Variants in TNRC18 observed in about 807,000 individuals in gnomAD.
TNRC18 encodes the protein trinucleotide repeat containing 18.
In TNRC18, 69 loss-of-function variants were observed where a neutral mutation model predicts 226.7. That is an observed-to-expected ratio of 0.30 (90% confidence interval 0.25 to 0.37). TNRC18 has a LOEUF of 0.37. Among genes scored for constraint, TNRC18 ranks in the 10% least tolerant of loss-of-function variants. The probability of loss-of-function intolerance (pLI) is 1.00; values close to 1 mark genes in which losing one functional copy is unlikely to be tolerated. For missense variants in TNRC18, 4,754 were observed against 4,256.6 expected (o/e 1.12, Z -3.25); for synonymous variants, 2,449 against 1,927.6 (o/e 1.27, Z -7.09).
At position 5,307,420 on chromosome 7, in the gene TNRC18, C is replaced by T. The variant is rs577755985; in HGVS notation, c.*686G>A. The T allele has an allele frequency of 1.0e-3, 337 of 328,790 alleles. 1 individual carries two copies. The highest frequency in any genetic ancestry group is 1.8e-3 in the Non-Finnish European group (295 of 159,500). The allele number at this position is 328,790 out of a possible 1,614,324, so 20.4% of individuals were successfully genotyped here. The stretch of plus-strand genomic sequence containing the variant: ...TGGGGAGGGGCCAGGCGTGGCCGGG[C>T]GACAGTTTCAGCACCATTGGGGTTT... On this transcript the variant is annotated 3_prime_UTR_variant, in exon 30 of 30. Coordinates refer to ENST00000430969, the MANE Select transcript of TNRC18 (RefSeq NM_001080495.3).
chr7:5,382,770 C>T (rs1389505122), intron 5 of TNRC18, among the ~76,000 whole-genome samples: 1 of 152,144 alleles, frequency 6.6e-6, no homozygotes, highest in Non-Finnish European at 1.5e-5. Flanking sequence ...TTGCCTCATC[C>T]CTGCAGGCCT....
At chr7:5,322,558 C>T (rs1788487610) in intron 21 of TNRC18, among the ~76,000 whole-genome samples, 1 of 152,258 alleles carries the variant, frequency 6.6e-6, no homozygotes, top group South Asian at 2.1e-4. Flanking sequence ...CCCCAAAGCA[C>T]TGGGATTACA....
rs1356600748 is a variant in TNRC18 at position 5,420,514 on chromosome 7, G to T, written c.187+546C>A. 1.3e-5 allele frequency: 6 copies of T among 447,996 alleles called. No individual in the cohort carries two copies. In the Admixed American group the frequency reaches 1.5e-4, roughly 11 times the overall value. The allele number at this position is 447,996 out of a possible 1,614,324, so 27.8% of individuals were successfully genotyped here. A position where few individuals can be genotyped will look rare whatever the true frequency, so the allele number is the denominator to read the frequency against. ...GCATCCCGCCCGCCCCGAGGCCAGG[G>T]TCCCAAGGCTGGGGTCACCGTACTC... On this transcript the variant is annotated intron_variant, in intron 2 of 29. Transcript: ENST00000430969.
chr7:5,308,558 C>T (rs560884061), intron 29 of TNRC18, among the ~76,000 whole-genome samples: 10 of 152,106 alleles, frequency 6.6e-5, no homozygotes, highest in East Asian at 1.9e-4. Flanking sequence ...AGACAGAGAC[C>T]GAGATCGAGA....
chr7:5,362,658 C>A lies in TNRC18; in HGVS notation c.4387G>T (p.Glu1463Ter). Reference protein sequence around the residue: ...NKKYSWMRKKEERMYAMKSSL... With the variant: ...NKKYSWMRKK Reference sequence around the variant, plus strand: ...AGCAGCCAGCCGCTCACCCGCTCCTCCTTCTTGCGCATCCAGCTGTACTTC... The same window carrying A: ...AGCAGCCAGCCGCTCACCCGCTCCTACTTCTTGCGCATCCAGCTGTACTTC... Residue 1463 changes from glutamate (E) to a stop codon, truncating the protein, a stop_gained, in exon 12 of 30, where the codon GAG becomes TAG. Transcript: ENST00000430969. LOFTEE classifies it high-confidence loss of function. 6.4e-7 allele frequency: 1 copy of A among 1,574,468 alleles called. No individual in the cohort carries two copies. The highest frequency in any genetic ancestry group is 8.6e-7 in the Non-Finnish European group (1 of 1,160,540).
chr7:5,403,242 C>A (rs576547470), intron 2 of TNRC18, among the ~76,000 whole-genome samples: 56 of 151,718 alleles, frequency 3.7e-4, no homozygotes, highest in Middle Eastern at 3.4e-3. Context: ...CTCACCGCAA[C>A]CTCTACCTCC....
intron 18 of TNRC18, among the ~76,000 whole-genome samples, chr7:5,333,512 A>G (rs1194577123): frequency 3.3e-5 from 5 of 150,930 alleles, no homozygotes; most frequent in Non-Finnish European, 7.4e-5. Flanking sequence ...GGAATCGTCC[A>G]CTCCCACTGC....
At position 5,312,853 on chromosome 7, in the gene TNRC18, T is replaced by A; in HGVS notation, c.8038A>T (p.Ser2680Cys). Reference sequence around the variant, plus strand: ...GCGGGGGCTGCCTCATCGTCCGAGCTGCAGGAAGAGTCCTCGTCTGTGGTG... The same window carrying A: ...GCGGGGGCTGCCTCATCGTCCGAGCAGCAGGAAGAGTCCTCGTCTGTGGTG... ...SSTTDEDSSC[S>C]SDDEAAPAPT... The change falls in exon 27 of 30, where the codon AGC becomes TGC. Residue 2680 changes from serine to cysteine, a missense_variant. Ser to Cys is a moderately radical substitution (Grantham distance 112). Coordinates refer to ENST00000430969, the MANE Select transcript of TNRC18 (RefSeq NM_001080495.3). This position sits in a 1 kb window ranked among gnomAD's most constrained non-coding sequence, Gnocchi z 6.3. 1.3e-6 allele frequency: 2 copies of A among 1,525,464 alleles called. No homozygotes were observed. Among genetic ancestry groups the A allele is most frequent in the Non-Finnish European group, 1.8e-6 (2 of 1,136,794 alleles). 94.5% of individuals were successfully genotyped at this position (1,525,464 alleles called of 1,614,324 possible). A position where few individuals can be genotyped will look rare whatever the true frequency, so the allele number is the denominator to read the frequency against.
intron 16 of TNRC18, 60 bp from the exon 17 acceptor site, chr7:5,352,154 T>C: frequency 6.7e-7 from 1 of 1,489,562 alleles, no homozygotes; most frequent in Non-Finnish European, 9.0e-7. Flanking sequence ...CTGGTGTCAT[T>C]TTATTGGTTT....
chr7:5,373,894 T>C (rs1369099424), intron 10 of TNRC18, among the ~76,000 whole-genome samples, 161 bp downstream of exon 10: 1 of 151,580 alleles, frequency 6.6e-6, no homozygotes, highest in Non-Finnish European at 1.5e-5. Flanking sequence ...GACTGTGAGC[T>C]CCTGTGTTTG....
chr7:5,367,999 C>T (rs960310473), intron 11 of TNRC18, among the ~76,000 whole-genome samples: 10 of 149,528 alleles, frequency 6.7e-5, no homozygotes, highest in South Asian at 2.2e-4. Context: ...ATCAGAGATA[C>T]GGACAAAGTT....
chr7:5,356,486 TGGGTA>T (rs988868259), intron 16 of TNRC18, among the ~76,000 whole-genome samples: 1 of 152,186 alleles, frequency 6.6e-6, no homozygotes. Flanking sequence ...ATGCTTCCTG[TGGGTA>T]GGGGAGTCCG....
chr7:5,323,994 T>C (rs1788639927), intron 21 of TNRC18, among the ~76,000 whole-genome samples: 1 of 152,224 alleles, frequency 6.6e-6, no homozygotes, highest in African/African-American at 2.4e-5. Flanking sequence ...GCCTCCTCCC[T>C]GGTCCCAGGG....
chr7:5,408,665 C>G (rs969959441), intron 2 of TNRC18, among the ~76,000 whole-genome samples: 2 of 152,030 alleles, frequency 1.3e-5, no homozygotes, highest in African/African-American at 2.4e-5. Context: ...AAAAAAAAAC[C>G]ATTTGGAAGC....
At chr7:5,378,074 C>G (rs766548378) in intron 5 of TNRC18, 50 bp from the exon 6 acceptor site, 15 of 1,533,392 alleles carry the variant, frequency 9.8e-6, no homozygotes, top group Non-Finnish European at 1.3e-5. Context: ...CGAGCCCATC[C>G]CAGACCCATT....
chr7:5,370,674 C>G lies in TNRC18; in HGVS notation c.3920G>C (p.Ser1307Thr), dbSNP rs1251557942. ...AGGCACGGCCTCTTGGGGCTCCAGG[C>G]TCGGGCACTGTCCCTCCCCGGCGGG... ...DVPAGEGQCP[S>T]LEPQEAVPVL... Residue 1307 changes from serine (S) to threonine (T), a missense_variant, in exon 11 of 30, where the codon AGC becomes ACC. Ser to Thr is a moderately conservative substitution (Grantham distance 58). Coordinates refer to ENST00000430969, the MANE Select transcript of TNRC18 (RefSeq NM_001080495.3). 6.2e-7 allele frequency: 1 copy of G among 1,612,476 alleles called. No homozygotes were observed. Among genetic ancestry groups the G allele is most frequent in the Non-Finnish European group, 8.5e-7 (1 of 1,179,694 alleles).
chr7:5,319,292 A>G (rs768994253), intron 24 of TNRC18, among the ~76,000 whole-genome samples: 2 of 152,082 alleles, frequency 1.3e-5, no homozygotes, highest in Non-Finnish European at 2.9e-5. Context: ...TCTGGGTATG[A>G]ATGGATGGTA....
chr7:5,384,993 G>A (rs1443533423), intron 5 of TNRC18, among the ~76,000 whole-genome samples: 1 of 152,232 alleles, frequency 6.6e-6, no homozygotes, highest in Non-Finnish European at 1.5e-5. Context: ...AAAATCCAAA[G>A]ACTTCAGGGC....
chr7:5,388,680 C>G lies in TNRC18; in HGVS notation c.1144G>C (p.Asp382His), dbSNP rs1333638028. The change falls in exon 5 of 30, where the codon GAC becomes CAC. Residue 382 changes from aspartate to histidine, a missense_variant. Transcript: ENST00000430969. ...PTFVPSVEAF[D>H]ERPGPIQIAS... ...ATCTGGATGGGCCCCGGGCGCTCGT[C>G]GAAGGCCTCCACGGAAGGCACGAAG... The G allele has an allele frequency of 7.9e-7, 1 of 1,265,444 alleles. No homozygotes were observed. Among genetic ancestry groups the G allele is most frequent in the East Asian group, 3.7e-5 (1 of 27,352 alleles). The allele number at this position is 1,265,444 out of a possible 1,614,324, so 78.4% of individuals were successfully genotyped here.
Sources: gnomAD v4.1 joint callset for allele counts (sites outside exome capture counted in the v4.1 genomes callset) on GRCh38, gnomAD v4.1.1 for gene constraint, Gnocchi (gnomAD v3.1) non-coding constraint, MANE v1.5 for transcripts, NCBI Gene and HGNC (gene_info 2026-07-23, HGNC 2026-07-21) for gene names.